FNBP4: variants seen among roughly 807,000 people sequenced by gnomAD.
FNBP4 encodes the protein formin-binding protein 4.
In FNBP4, 34 loss-of-function variants were observed where a neutral mutation model predicts 119.3. The ratio of observed to expected loss-of-function variants is 0.28; its 90% CI spans 0.22 to 0.38. The LOEUF is 0.38. Among genes scored for constraint, FNBP4 ranks in the 10% least tolerant of loss-of-function variants. The pLI, the probability that FNBP4 is intolerant of heterozygous loss-of-function variation, is 1.00. For missense variants in FNBP4, 1,112 were observed against 1,228.9 expected (o/e 0.90, Z 1.42); for synonymous variants, 462 against 430.6 (o/e 1.07, Z -0.90).
At chr11:47,721,403 C>A (rs2097555502) in intron 15 of FNBP4, among the ~76,000 whole-genome samples, 1 of 151,998 alleles carries the variant, frequency 6.6e-6, no homozygotes, top group South Asian at 2.1e-4. Flanking sequence ...ACCAGCCTGG[C>A]CAACATGACA....
rs142777389 is a variant in FNBP4, at chr11:47,732,792, G to C, written c.1687-122C>G. 585 of 898,464 alleles carry C rather than the reference G, an allele frequency of 6.5e-4. 1 individual carries two copies. The Middle Eastern group carries it at 8.9e-3, about 14-fold the overall frequency. 55.7% of individuals were successfully genotyped at this position (898,464 alleles called of 1,614,324 possible). A position where few individuals can be genotyped will look rare whatever the true frequency, so the allele number is the denominator to read the frequency against. ...TGTGCTCTGGCAGGACAGTAGACCA[G>C]AGAGGAAAATAAACCCCATCTTCAT... On this transcript the variant is annotated intron_variant, in intron 10 of 16. Transcript: ENST00000263773. The surrounding 1 kb of genome is among the most constrained non-coding windows in gnomAD (Gnocchi z 4.2).
At chr11:47,754,490 C>T (rs2097611870) in intron 3 of FNBP4, 38 bp downstream of exon 3, 9 of 1,603,206 alleles carry the variant, frequency 5.6e-6, no homozygotes, top group Non-Finnish European at 7.7e-6. Context: ...CCCAAAGTAG[C>T]TTCAGTAACT....
At chr11:47,736,487 C>T (rs2097574319) in intron 9 of FNBP4, 129 bp downstream of exon 9, 1 of 640,190 alleles carries the variant, frequency 1.6e-6, no homozygotes, top group Non-Finnish European at 2.5e-6. Flanking sequence ...ACCCAGGAGG[C>T]AGGCAGAGGT....
At chr11:47,717,863 C>T (rs537430756) in intron 16 of FNBP4, among the ~76,000 whole-genome samples, 49 of 152,194 alleles carry the variant, frequency 3.2e-4, no homozygotes, top group Non-Finnish European at 5.6e-4. Context: ...ATTCTCCTGC[C>T]TCAGCCTCCC....
At chr11:47,754,209 GAAA>G (rs540739941) in intron 3 of FNBP4, among the ~76,000 whole-genome samples, 5,336 of 108,186 alleles carry the variant, frequency 0.049, 99 homozygotes, top group Middle Eastern at 0.09. Context: ...TCTATCTCAA[GAAA>G]AAAAAAAAAA....
chr11:47,746,342 CCT>C lies in FNBP4; in HGVS notation c.957_958del (p.Val321GlyfsTer11). Reference sequence around the variant, plus strand: ...AGGAGCAAGCAGCGATGCTGCCACCCCTTTCTTCTCCTCCTCACTATTTGAGA... The same window carrying C: ...AGGAGCAAGCAGCGATGCTGCCACCCTTCTTCTCCTCCTCACTATTTGAGA... On this transcript the variant is annotated frameshift_variant, in exon 7 of 17. Coordinates refer to ENST00000263773, the MANE Select transcript of FNBP4 (RefSeq NM_015308.5). LOFTEE classifies it high-confidence loss of function. 1 of 1,613,634 alleles carries C rather than the reference CCT, an allele frequency of 6.2e-7. No homozygotes were observed. The highest frequency in any genetic ancestry group is 8.5e-7 in the Non-Finnish European group (1 of 1,179,968).
In FNBP4 at chr11:47,753,041, G is replaced by A. The variant is rs1286544604; in HGVS notation, c.512C>T (p.Pro171Leu). 6.2e-7 allele frequency: 1 copy of A among 1,614,016 alleles called. No individual in the cohort carries two copies. The highest frequency in any genetic ancestry group is 8.5e-7 in the Non-Finnish European group (1 of 1,180,006). ...AAPVGASAPP[P>L]TPPRPEPKEA... Reference sequence around the variant, plus strand: ...CTTTGGCTCTGGTCGAGGTGGAGTTGGAGGTGGAGCAGAAGCTCCTACAGG... The same window carrying A: ...CTTTGGCTCTGGTCGAGGTGGAGTTAGAGGTGGAGCAGAAGCTCCTACAGG... Residue 171 changes from proline to leucine, a missense_variant, in exon 4 of 17, where the codon CCA becomes CTA. By Grantham distance (98) the Pro-to-Leu change is moderately conservative. Transcript: ENST00000263773.
At chr11:47,764,392 T>C (rs2097642410) in intron 2 of FNBP4, among the ~76,000 whole-genome samples, 1 of 152,224 alleles carries the variant, frequency 6.6e-6, no homozygotes, top group Non-Finnish European at 1.5e-5. Context: ...AAATTCTACA[T>C]ATTTTAAATG....
chr11:47,726,868 T>C (rs2097561640), intron 12 of FNBP4: 1 of 152,180 alleles, frequency 6.6e-6, no homozygotes, highest in Non-Finnish European at 1.5e-5. Context: ...TAAGTTAAGA[T>C]TTTCTCTATT....
chr11:47,724,585 A>G lies in FNBP4; in HGVS notation c.2202T>C (p.Asp734=). ...CCATCTCTACCTCCTGGATCTCACCATCTTCCGCAGGAGGAGGTGGTGGAG... is the reference window on the plus strand; with the variant it reads ...CCATCTCTACCTCCTGGATCTCACCGTCTTCCGCAGGAGGAGGTGGTGGAG... ...PPPPPPPPAE[D]GEIQEVEMED... Residue 734 remains aspartate (D), a synonymous_variant, in exon 13 of 17, where the codon GAT becomes GAC. Coordinates refer to ENST00000263773, the MANE Select transcript of FNBP4 (RefSeq NM_015308.5). 1.2e-6 allele frequency: 2 copies of G among 1,614,034 alleles called. No individual in the cohort carries two copies. Among genetic ancestry groups the G allele is most frequent in the Non-Finnish European group, 1.7e-6 (2 of 1,180,010 alleles).
intron 8 of FNBP4, among the ~76,000 whole-genome samples, chr11:47,741,464 T>C (rs10838757): frequency 0.29 from 43,400 of 151,648 alleles, 7,372 homozygotes; most frequent in Middle Eastern, 0.38. Context: ...TTAAGCCACA[T>C]TGATGCACAT....
At chr11:47,763,227 T>C (rs2097639757) in intron 2 of FNBP4, among the ~76,000 whole-genome samples, 1 of 151,458 alleles carries the variant, frequency 6.6e-6, no homozygotes, top group Admixed American at 6.6e-5. Context: ...ACTTTGGGAG[T>C]CCAAGGCGGG....
chr11:47,746,437 A>G, intron 6 of FNBP4, 43 bp from the exon 7 acceptor site: 1 of 1,447,386 alleles, frequency 6.9e-7, no homozygotes, highest in South Asian at 1.3e-5. Context: ...ATTCTGAAAC[A>G]AATCTCACCT....
intron 2 of FNBP4, among the ~76,000 whole-genome samples, chr11:47,759,039 C>T (rs1217186457): frequency 2.6e-5 from 4 of 151,644 alleles, no homozygotes; most frequent in Admixed American, 1.3e-4. Flanking sequence ...TTGCCTCAGC[C>T]TCCCGAGTAG....
At chr11:47,764,927 G>C (rs2097643609) in intron 2 of FNBP4, among the ~76,000 whole-genome samples, 1 of 152,102 alleles carries the variant, frequency 6.6e-6, no homozygotes, top group African/African-American at 2.4e-5. Context: ...ACCAATGTTT[G>C]TTAGGTAACC....
intron 6 of FNBP4, among the ~76,000 whole-genome samples, chr11:47,747,130 C>T (rs1028044127): frequency 3.3e-5 from 5 of 152,004 alleles, no homozygotes; most frequent in Admixed American, 3.3e-4. Context: ...CTCCCAGGTT[C>T]CAGCGATTCC....
In FNBP4 at chr11:47,746,232, C is replaced by G. The variant is rs755260616; in HGVS notation, c.1069G>C (p.Glu357Gln). The part of the protein sequence containing the change: ...CKEEPVSEVK[E>Q]TSTTVEEATT... ...GCTTCTTCTACTGTTGTACTTGTTT[C>G]TTTTACTTCTGAAACTGGCTCCTCT... The change falls in exon 7 of 17, where the codon GAA (glutamate) becomes CAA (glutamine). Residue 357 changes from glutamate (E) to glutamine (Q), a missense_variant. Glu to Gln is a conservative substitution (Grantham distance 29). Around this residue, in one of 2 missense-constraint regions of FNBP4, gnomAD observed 826 missense variants for 988.8 expected, o/e 0.84. Coordinates refer to ENST00000263773, the MANE Select transcript of FNBP4 (RefSeq NM_015308.5). The G allele has an allele frequency of 3.1e-6, 5 of 1,614,112 alleles. No individual in the cohort carries two copies. The highest frequency in any genetic ancestry group is 1.6e-4 in the Middle Eastern group (1 of 6,062).
intron 15 of FNBP4, among the ~76,000 whole-genome samples, chr11:47,721,143 A>G (rs536836114): frequency 4.1e-4 from 62 of 151,216 alleles, no homozygotes; most frequent in Non-Finnish European, 7.2e-4. Context: ...AACACGGTGA[A>G]ACCCCGTCTC....
At chr11:47,748,855 C>T (rs1015172956) in intron 6 of FNBP4, among the ~76,000 whole-genome samples, 1 of 152,032 alleles carries the variant, frequency 6.6e-6, no homozygotes, top group African/African-American at 2.4e-5. Context: ...CCATGTTGGC[C>T]AGGCTGGTCT....
Sources: allele counts gnomAD v4.1 joint callset (sites outside exome capture counted in the v4.1 genomes callset), GRCh38; gene constraint gnomAD v4.1.1; regional missense constraint gnomAD v4.1.1; non-coding constraint Gnocchi (gnomAD v3.1); transcripts MANE v1.5; gene names NCBI Gene and HGNC (gene_info 2026-07-23, HGNC 2026-07-21).